Variants in ABR observed in about 807,000 individuals in gnomAD.
The protein encoded by ABR is active breakpoint cluster region-related protein.
ABR carries 35 observed loss-of-function variants against 107.2 expected under a neutral mutation model. The ratio of observed to expected loss-of-function variants is 0.33; its 90% CI spans 0.25 to 0.43. The LOEUF (loss-of-function observed/expected upper bound fraction) is 0.43. ABR is among the 20% of genes least tolerant of loss of function. ABR has a pLI of 1.00. For synonymous variants in ABR, 498 were observed against 462.0 expected (o/e 1.08, Z -1.00); for missense variants, 815 against 1,115.2 (o/e 0.73, Z 3.83).
chr17:1,161,789 A>C lies in ABR; in HGVS notation c.61+17878T>G, dbSNP rs186834733. Among the ~76,000 whole-genome samples the C allele has an allele frequency of 2.0e-3, 302 of 151,806 alleles. 5 individuals carry two copies. In the East Asian group the frequency reaches 0.047, roughly 24 times the overall value. On this transcript the variant is annotated intron_variant, in intron 1 of 22. Transcript: ENST00000302538. ...AGGCTGGTCTCAAACTCCTGACCTCAGGTGATCCACCCGCCTCGACCTCCC... is the reference window on the plus strand; with the variant it reads ...AGGCTGGTCTCAAACTCCTGACCTCCGGTGATCCACCCGCCTCGACCTCCC...
Position 1,078,970 on chromosome 17 carries a change from AGCATCGG to A in ABR, c.700+353_700+359del, listed in dbSNP as rs1038991511. ...TTGCTGATGCTGCCGCACGGACTCC[AGCATCGG>A]GCAGCCGCTCCGGAGTGCTCTTCCA... On this transcript the variant is annotated intron_variant, in intron 6 of 22. Transcript: ENST00000302538. The surrounding 1 kb of genome is among the most constrained non-coding windows in gnomAD (Gnocchi z 7.5). 2.7e-6 allele frequency: 4 copies of A among 1,489,208 alleles called. No individual in the cohort carries two copies. In the Admixed American group the frequency reaches 6.2e-5, roughly 23 times the overall value. The allele number at this position is 1,489,208 out of a possible 1,614,324, so 92.2% of individuals were successfully genotyped here. A position where few individuals can be genotyped will look rare whatever the true frequency, so the allele number is the denominator to read the frequency against.
intron 2 of ABR, among the ~76,000 whole-genome samples, chr17:1,109,333 A>G (rs2038503036): frequency 6.6e-6 from 1 of 151,432 alleles, no homozygotes; most frequent in Admixed American, 6.6e-5. Flanking sequence ...GCGGAGGCGA[A>G]CCCGCCGCAC....
chr17:1,088,451 TTTA>T (rs1191122006), intron 4 of ABR, among the ~76,000 whole-genome samples: 2 of 104,678 alleles, frequency 1.9e-5, no homozygotes, highest in Non-Finnish European at 3.8e-5. Flanking sequence ...CTCTTCCCAA[TTTA>T]ATAATAATAA....
At chr17:1,119,456 T>C (rs538582687) in intron 2 of ABR, among the ~76,000 whole-genome samples, 1 of 148,880 alleles carries the variant, frequency 6.7e-6, no homozygotes, top group Admixed American at 6.7e-5. Context: ...TCCCTGAGCC[T>C]GAGTTCTTCC....
intron 14 of ABR, among the ~76,000 whole-genome samples, chr17:1,052,398 G>A (rs1360804972): frequency 1.5e-5 from 2 of 133,322 alleles, no homozygotes; most frequent in Non-Finnish European, 3.2e-5. Flanking sequence ...GGCTCACAGG[G>A]TCAGAGGGAG....
exon 1 of ABR, chr17:1,229,073 G>T (rs1450227478): frequency 6.6e-6 from 1 of 151,488 alleles, no homozygotes; most frequent in African/African-American, 2.4e-5. Context: ...GCGCCCGCTC[G>T]CGGGTCCCGA....
At position 1,200,549 on chromosome 17, in the gene ABR, C is replaced by A. The variant is rs2042651894; in HGVS notation, c.838+28244G>T. ...GGTGTAATTGGAGTGGCTCTCCAGA[C>A]TGTGCCCAGGAATTTCTCAGCCTGA... On this transcript the variant is annotated intron_variant, in intron 1 of 22. Coordinates refer to the ABR transcript ENST00000574139. The surrounding 1 kb of genome is among the most constrained non-coding windows in gnomAD (Gnocchi z 4.1). Among the ~76,000 whole-genome samples, 1 of 151,988 alleles carries A rather than the reference C, an allele frequency of 6.6e-6. No homozygotes were observed. Among genetic ancestry groups the A allele is most frequent in the African/African-American group, 2.4e-5 (1 of 41,384 alleles).
intron 1 of ABR, among the ~76,000 whole-genome samples, chr17:1,208,326 C>T (rs367630853): frequency 7.9e-5 from 12 of 152,312 alleles, no homozygotes; most frequent in African/African-American, 2.9e-4. Context: ...CAACGCAGGG[C>T]ACCCCAGTGT....
intron 2 of ABR, among the ~76,000 whole-genome samples, chr17:1,116,620 G>A (rs1281931851): frequency 6.6e-6 from 1 of 152,166 alleles, no homozygotes; most frequent in Non-Finnish European, 1.5e-5. Context: ...GGGAGCCAGC[G>A]ATGACGGGAC....
At chr17:1,127,660 T>C (rs753644063) in intron 1 of ABR, among the ~76,000 whole-genome samples, 27 of 151,952 alleles carry the variant, frequency 1.8e-4, no homozygotes, top group Admixed American at 5.9e-4. Flanking sequence ...AAATAAGCAA[T>C]AGTGGACCGC....
Position 1,057,021 on chromosome 17 carries a change from A to T in ABR, c.1463T>A (p.Ile488Asn), listed in dbSNP as rs1437008538. ...ACCGTCTTTATTGCTGGTGACAGGA[A>T]TGTTGTGTACAGTCCTAAGCTTGAA... ...SCFKLRTVHN[I>N]PVTSNKDDDE... The change falls in exon 13 of 23, where the codon ATT becomes AAT. Residue 488 changes from isoleucine to asparagine, a missense_variant. Coordinates refer to ENST00000302538, the MANE Select transcript of ABR (RefSeq NM_021962.5). 1 of 1,608,852 alleles carries T rather than the reference A, an allele frequency of 6.2e-7. No homozygotes were observed. Among genetic ancestry groups the T allele is most frequent in the Non-Finnish European group, 8.5e-7 (1 of 1,176,010 alleles).
intron 1 of ABR, among the ~76,000 whole-genome samples, chr17:1,149,798 T>C (rs1217200926): frequency 6.6e-6 from 1 of 152,208 alleles, no homozygotes; most frequent in Non-Finnish European, 1.5e-5. Flanking sequence ...GCCGGGCACC[T>C]GTCAGCTCCA....
chr17:1,125,534 G>T (rs983861867), intron 1 of ABR, 167 bp from the exon 2 acceptor site: 87 of 531,130 alleles, frequency 1.6e-4, no homozygotes, highest in African/African-American at 1.2e-3. Context: ...GGTGAGGGGC[G>T]GGGGAGAGCC....
chr17:1,134,790 C>T lies in ABR; in HGVS notation c.62-9423G>A, dbSNP rs2039986098. Among the ~76,000 whole-genome samples the T allele has an allele frequency of 3.9e-5, 6 of 152,190 alleles. No individual in the cohort carries two copies. In the South Asian group the frequency reaches 8.3e-4, roughly 21 times the overall value. On this transcript the variant is annotated intron_variant, in intron 1 of 22. Transcript: ENST00000302538. ...GGCTGAGAGCAGGGACCCTGCGGTC[C>T]GGCAGCGGAGGTTCCAGCCCACGCT...
chr17:1,216,460 G>A (rs936325077), intron 1 of ABR, among the ~76,000 whole-genome samples: 16 of 152,224 alleles, frequency 1.1e-4, no homozygotes, highest in Non-Finnish European at 1.3e-4. Flanking sequence ...AGGGGCCAGA[G>A]GAAAGCTGAC....
In ABR at chr17:1,018,244, G is replaced by A. The variant is rs375319265; in HGVS notation, c.1792-5080C>T. ...TTTTTAGTAGAGACGGGGTTTCACC[G>A]TGTTAGCCAGGATGGTCTTGATCTC... is the stretch of plus-strand genomic sequence containing the variant. On this transcript the variant is annotated intron_variant, in intron 16 of 22. Coordinates refer to ENST00000302538, the MANE Select transcript of ABR (RefSeq NM_021962.5). 7.4e-3 allele frequency among the ~76,000 whole-genome samples: 1,112 copies of A among 150,586 alleles called. 5 individuals carry two copies. Among genetic ancestry groups the A allele is most frequent in the African/African-American group, 0.013 (518 of 40,290 alleles).
At chr17:1,031,659 C>G (rs1445700393) in intron 16 of ABR, 2 of 1,256,120 alleles carry the variant, frequency 1.6e-6, no homozygotes, top group Non-Finnish European at 1.0e-6. Context: ...GTTGGGGGGG[C>G]GCTTGCTCCC....
chr17:1,195,215 G>A (rs1487702227), intron 1 of ABR, among the ~76,000 whole-genome samples: 5 of 143,288 alleles, frequency 3.5e-5, no homozygotes, highest in Non-Finnish European at 6.0e-5. Flanking sequence ...GCTGAGGCAG[G>A]AGAATGGCGT....
chr17:1,212,302 A>G (rs12950977), intron 1 of ABR, among the ~76,000 whole-genome samples: 1 of 151,552 alleles, frequency 6.6e-6, no homozygotes, highest in African/African-American at 2.4e-5. Flanking sequence ...GTGGTGGTAC[A>G]TGCCTGTGGT....
Sources: gnomAD v4.1 joint callset for allele counts (sites outside exome capture counted in the v4.1 genomes callset) on GRCh38, gnomAD v4.1.1 for gene constraint, Gnocchi (gnomAD v3.1) non-coding constraint, MANE v1.5 for transcripts, NCBI Gene and HGNC (gene_info 2026-07-23, HGNC 2026-07-21) for gene names.